The following ASPM variants were observed in gnomAD, a reference collection of about 807,000 sequenced individuals.
The protein encoded by ASPM is abnormal spindle-like microcephaly-associated protein.
Under a neutral mutation model 366.4 loss-of-function variants are expected in ASPM, and 256 were observed. The observed-to-expected ratio is 0.70, with a 90% confidence interval of 0.63 to 0.77. The LOEUF is 0.77. Ranked by LOEUF, ASPM falls within the 30% of genes least tolerant of loss-of-function variation. ASPM has a pLI of 0.00. For missense variants in ASPM, 4,146 were observed against 4,090.4 expected (o/e 1.01, Z -0.37); for synonymous variants, 1,414 against 1,342.9 (o/e 1.05, Z -1.16).
chr1:197,139,817 A>G lies in ASPM; in HGVS notation c.1976T>C (p.Ile659Thr), dbSNP rs138726165. ...ISKTNKRTKP[I>T]IAVAQSSLTF... ...CAAACTGGACTGTGCCACAGCGATA[A>G]TGGGTTTTGTCCTTTTGTTTGTTTT... The change falls in exon 4 of 28, where the codon ATT (isoleucine) becomes ACT (threonine). Residue 659 changes from isoleucine to threonine, a missense_variant. This residue lies in a region of ASPM where 3,624 missense variants were observed against 3,591.7 expected (regional missense o/e 1.01). Coordinates refer to ENST00000367409, the MANE Select transcript of ASPM (RefSeq NM_018136.5). 3.7e-6 allele frequency: 6 copies of G among 1,612,434 alleles called. No individual in the cohort carries two copies. In the African/African-American group the frequency reaches 6.7e-5, roughly 18 times the overall value.
In ASPM at chr1:197,090,184, A is replaced by T. The variant is rs1656731933; in HGVS notation, c.9829+12T>A. On this transcript the variant is annotated intron_variant, in intron 24 of 27. Transcript: ENST00000367409. ...ATTACATCATTCTTTAAACATGTTA[A>T]CACAAACTAACCTAGGTGTTTTAAG... 6.2e-7 allele frequency: 1 copy of T among 1,613,126 alleles called. No individual in the cohort carries two copies. Among genetic ancestry groups the T allele is most frequent in the African/African-American group, 1.3e-5 (1 of 74,904 alleles).
At position 197,122,527 on chromosome 1, in the gene ASPM, A is replaced by G; in HGVS notation, c.3459T>C (p.Pro1153=). Residue 1153 remains proline (P), a synonymous_variant, in exon 14 of 28, where the codon CCT becomes CCC. Transcript: ENST00000367409. ...ATATAGCGTCAAATGGCACATAGCA[A>G]GGATGGTAATGGTGGATCAGGTAAC... ...VLCYLIHHYH[P]CYVPFDAICQ... 1 of 1,613,512 alleles carries G rather than the reference A, an allele frequency of 6.2e-7. No individual in the cohort carries two copies. Among genetic ancestry groups the G allele is most frequent in the Non-Finnish European group, 8.5e-7 (1 of 1,179,718 alleles).
chr1:197,105,621 A>G lies in ASPM; in HGVS notation c.4066-436T>C, dbSNP rs149894021. On this transcript the variant is annotated intron_variant, in intron 17 of 27. Coordinates refer to ENST00000367409, the MANE Select transcript of ASPM (RefSeq NM_018136.5). ...TGACTAGAAACTGTTTATGTGAAGG[A>G]TCCTGCATTATCACATTACAGGCCT... Among the ~76,000 whole-genome samples, 7 of 152,126 alleles carry G rather than the reference A, an allele frequency of 4.6e-5. No individual in the cohort carries two copies. In the East Asian group the frequency reaches 7.7e-4, roughly 17 times the overall value.
chr1:197,124,136 C>T lies in ASPM; in HGVS notation c.3364G>A (p.Ala1122Thr), dbSNP rs142502609. Residue 1122 changes from alanine to threonine, a missense_variant, in exon 13 of 28, where the codon GCT (alanine) becomes ACT (threonine). By Grantham distance (58) the Ala-to-Thr change is moderately conservative (BLOSUM62 0). Transcript: ENST00000367409. Reference protein sequence around the residue: ...NIKLLMDWVNAVCAFYNKKVE... With the variant: ...NIKLLMDWVNTVCAFYNKKVE... ...TTTTTATTATAGAAGGCACAAACAGCATTTACCCAATCCATCAATAACTTT... is the reference window on the plus strand; with the variant it reads ...TTTTTATTATAGAAGGCACAAACAGTATTTACCCAATCCATCAATAACTTT... The T allele has an allele frequency of 6.8e-6, 11 of 1,611,890 alleles. No individual in the cohort carries two copies. In the African/African-American group the frequency reaches 1.3e-4, roughly 20 times the overall value.
intron 17 of ASPM, among the ~76,000 whole-genome samples, chr1:197,116,157 T>C (rs1657731387): frequency 6.6e-6 from 1 of 152,228 alleles, no homozygotes; most frequent in Admixed American, 6.5e-5. Context: ...TGCACTTTTA[T>C]GTTATGGGAA....
chr1:197,088,165 G>C, intron 26 of ASPM, 91 bp downstream of exon 26: 1 of 1,386,894 alleles, frequency 7.2e-7, no homozygotes, highest in Non-Finnish European at 1.0e-6. Context: ...CCCTATTTTA[G>C]AGTGATAATT....
chr1:197,128,692 A>G (rs1266924957), intron 9 of ASPM, 27 bp from the exon 10 acceptor site: 2 of 1,518,584 alleles, frequency 1.3e-6, no homozygotes, highest in South Asian at 2.3e-5. Context: ...TCCAGATATT[A>G]TATTCCAATA....
At position 197,086,904 on chromosome 1, in the gene ASPM, A is replaced by G; in HGVS notation, c.10230T>C (p.His3410=). The change falls in exon 27 of 28, where the codon CAT becomes CAC. Residue 3410 remains histidine (H), a synonymous_variant. Coordinates refer to ENST00000367409, the MANE Select transcript of ASPM (RefSeq NM_018136.5). ...YSLYKLTAHK[H]KMNTERILYK... ...AAAGTATTCTTTCAGTATTCATTTT[A>G]TGTTTATGAGCTGTAAGTTTGTAGA... 6.2e-7 allele frequency: 1 copy of G among 1,611,704 alleles called. No individual in the cohort carries two copies. The highest frequency in any genetic ancestry group is 2.2e-5 in the East Asian group (1 of 44,708).
intron 17 of ASPM, among the ~76,000 whole-genome samples, chr1:197,107,406 G>C (rs1657446946): frequency 6.6e-6 from 1 of 152,100 alleles, no homozygotes; most frequent in South Asian, 2.1e-4. Flanking sequence ...AGAACAGGTG[G>C]CCTGAACCCA....
rs1259481721 is a variant in ASPM at position 197,146,451 on chromosome 1, C to A, written c.-14G>T. 2 of 1,604,276 alleles carry A rather than the reference C, an allele frequency of 1.2e-6. No individual in the cohort carries two copies. The highest frequency in any genetic ancestry group is 1.7e-6 in the Non-Finnish European group (2 of 1,179,392). ...CCGGTTCGCCATGGCAGATTCGAGA[C>A]CCCTCCTGGATCTCCTTGCCCCGCT... On this transcript the variant is annotated 5_prime_UTR_variant, in exon 1 of 28. Transcript: ENST00000367409.
chr1:197,100,059 G>A (rs1447033992), intron 18 of ASPM, among the ~76,000 whole-genome samples: 4 of 151,632 alleles, frequency 2.6e-5, no homozygotes, highest in Non-Finnish European at 5.9e-5. Flanking sequence ...GAGGAACAAA[G>A]TTACTCTATT....
intron 23 of ASPM, among the ~76,000 whole-genome samples, 181 bp from the exon 24 acceptor site, chr1:197,090,569 T>C (rs1656746358): frequency 6.6e-6 from 1 of 152,110 alleles, no homozygotes; most frequent in Non-Finnish European, 1.5e-5. Flanking sequence ...GAAATACAGA[T>C]AATATTCCTA....
At chr1:197,106,307 A>C (rs950383567) in intron 17 of ASPM, among the ~76,000 whole-genome samples, 1 of 152,134 alleles carries the variant, frequency 6.6e-6, no homozygotes, top group African/African-American at 2.4e-5. Context: ...GAAGAGATGC[A>C]CAAGTTGTCA....
chr1:197,133,672 A>G (rs910074894), intron 5 of ASPM, 77 bp from the exon 6 acceptor site: 25 of 1,516,868 alleles, frequency 1.6e-5, no homozygotes, highest in Middle Eastern at 4.4e-4. Flanking sequence ...AATAAAATGC[A>G]ATTTCAGACG....
chr1:197,089,391 A>G (rs2125087586), intron 25 of ASPM, among the ~76,000 whole-genome samples: 1 of 152,192 alleles, frequency 6.6e-6, no homozygotes, highest in Admixed American at 6.5e-5. Flanking sequence ...ACTAAGTTAT[A>G]GCAATATTTT....
chr1:197,097,052 C>A (rs1656994621), intron 18 of ASPM, among the ~76,000 whole-genome samples: 1 of 151,574 alleles, frequency 6.6e-6, no homozygotes, highest in African/African-American at 2.4e-5. Flanking sequence ...AGCAAAAACT[C>A]AGTTGTATGT....
rs1657158609 is a variant in ASPM at position 197,101,157 on chromosome 1, G to A, written c.8094C>T (p.Phe2698=). 6.2e-7 allele frequency: 1 copy of A among 1,612,254 alleles called. No homozygotes were observed. Among genetic ancestry groups the A allele is most frequent in the African/African-American group, 1.3e-5 (1 of 74,770 alleles). The part of the protein sequence containing the change: ...MHRAATLIQS[F]YRMHRAKVDY... ...CAACTTTGGCCCTGTGCATTCGATAGAATGACTGAATTAGTGTGGCAGCCC... is the reference window on the plus strand; with the variant it reads ...CAACTTTGGCCCTGTGCATTCGATAAAATGACTGAATTAGTGTGGCAGCCC... Residue 2698 remains phenylalanine (F), a synonymous_variant, in exon 18 of 28, where the codon TTC becomes TTT. Transcript: ENST00000367409.
rs797045313 is a variant in ASPM at position 197,124,103 on chromosome 1, AACTT to A, written c.3390+3_3390+6del. 6.2e-7 allele frequency: 1 copy of A among 1,600,094 alleles called. No individual in the cohort carries two copies. ...ATTGGGTTAAAACAAAAAACAAAGA[AACTT>A]ACCTTTTTATTATAGAAGGCACAAA... On this transcript the variant is annotated splice_donor_5th_base_variant and intron_variant, in intron 13 of 27. Coordinates refer to ENST00000367409, the MANE Select transcript of ASPM (RefSeq NM_018136.5).
Position 197,146,581 on chromosome 1 carries a change from C to T in ASPM, c.-144G>A. On this transcript the variant is annotated 5_prime_UTR_variant, in exon 1 of 28. Coordinates refer to ENST00000367409, the MANE Select transcript of ASPM (RefSeq NM_018136.5). Reference sequence around the variant, plus strand: ...AGTGAATTCGGCCCTTTTTCTTTTCCACTAACCTACTCCCTAGAAAACAGA... The same window carrying T: ...AGTGAATTCGGCCCTTTTTCTTTTCTACTAACCTACTCCCTAGAAAACAGA... 1.2e-6 allele frequency: 1 copy of T among 808,666 alleles called. No individual in the cohort carries two copies. The highest frequency in any genetic ancestry group is 2.0e-6 in the Non-Finnish European group (1 of 499,042). 50.1% of individuals were successfully genotyped at this position (808,666 alleles called of 1,614,324 possible).
Sources: gnomAD v4.1 joint callset for allele counts (sites outside exome capture counted in the v4.1 genomes callset) on GRCh38, gnomAD v4.1.1 for gene constraint, gnomAD v4.1.1 regional missense constraint, MANE v1.5 for transcripts, NCBI Gene and HGNC (gene_info 2026-07-23, HGNC 2026-07-21) for gene names.